Variants in ZNF423 observed in about 807,000 individuals in gnomAD.
ZNF423 encodes zinc finger protein 423.
A neutral mutation model predicts 95.8 loss-of-function variants in ZNF423; 12 were observed. The ratio of observed to expected loss-of-function variants is 0.13; its 90% CI spans 0.08 to 0.20. The LOEUF (loss-of-function observed/expected upper bound fraction) is 0.20, where lower values mean the gene tolerates loss of function less well. Among genes scored for constraint, ZNF423 ranks in the 10% least tolerant of loss-of-function variants. The pLI, the probability that ZNF423 is intolerant of heterozygous loss-of-function variation, is 1.00. For synonymous variants in ZNF423, 749 were observed against 711.9 expected (o/e 1.05, Z -0.83); for missense variants, 1,316 against 1,737.1 (o/e 0.76, Z 4.31).
In ZNF423 at chr16:49,730,818, T is replaced by A. The variant is rs1567316204; in HGVS notation, c.254A>T (p.Glu85Val). The change falls in exon 3 of 8, where the codon GAG becomes GTG. Residue 85 changes from glutamate to valine, a missense_variant. Physicochemically the swap from Glu to Val is moderately radical, Grantham distance 121 (BLOSUM62 -2). Around this residue, in one of 6 missense-constraint regions of ZNF423, gnomAD observed 155 missense variants for 170.8 expected, o/e 0.91. Coordinates refer to ENST00000563137, the MANE Select transcript of ZNF423 (RefSeq NM_001379286.1). ...YTCDHCQQDF[E>V]SLADLTDHRA... ...GTGGTCCGTCAGGTCTGCCAGAGAC[T>A]CGAAGTCCTGCTGACAGTGATCGCA... is the stretch of plus-strand genomic sequence containing the variant. 2 of 1,614,100 alleles carry A rather than the reference T, an allele frequency of 1.2e-6. No homozygotes were observed. The highest frequency in any genetic ancestry group is 1.7e-6 in the Non-Finnish European group (2 of 1,180,048).
At chr16:49,804,229 C>T (rs1282790642) in intron 1 of ZNF423, among the ~76,000 whole-genome samples, 1 of 152,068 alleles carries the variant, frequency 6.6e-6, no homozygotes, top group East Asian at 1.9e-4. Context: ...GGCACTGCGC[C>T]CCGCCTTCAG....
In ZNF423 at chr16:49,491,195, T is replaced by C; in HGVS notation, c.*80A>G. 2 of 1,559,586 alleles carry C rather than the reference T, an allele frequency of 1.3e-6. No individual in the cohort carries two copies. The highest frequency in any genetic ancestry group is 1.8e-6 in the Non-Finnish European group (2 of 1,131,252). ...ATCTGGGTTGCAAATGACACTTTGA[T>C]TGGATGTAATGTTCAAATGGCCCTC... On this transcript the variant is annotated 3_prime_UTR_variant, in exon 8 of 8. Transcript: ENST00000563137.
intron 2 of ZNF423, among the ~76,000 whole-genome samples, chr16:49,787,958 G>A (rs146401051): frequency 2.0e-5 from 3 of 152,320 alleles, no homozygotes; most frequent in Non-Finnish European, 4.4e-5. Flanking sequence ...GAGACACGGC[G>A]CCTTATGGCC....
intron 7 of ZNF423, among the ~76,000 whole-genome samples, chr16:49,507,940 G>A (rs1298367618): frequency 6.6e-6 from 1 of 152,140 alleles, no homozygotes; most frequent in Non-Finnish European, 1.5e-5. Context: ...CAGAAATGTC[G>A]GCCAGGGGCT....
At chr16:49,580,371 G>T (rs1473353419) in intron 5 of ZNF423, among the ~76,000 whole-genome samples, 1 of 152,136 alleles carries the variant, frequency 6.6e-6, no homozygotes, top group Non-Finnish European at 1.5e-5. Context: ...TTGTAATTAT[G>T]TATTTACTTG....
intron 3 of ZNF423, among the ~76,000 whole-genome samples, chr16:49,679,697 T>C (rs902433362): frequency 6.6e-6 from 1 of 152,120 alleles, no homozygotes; most frequent in Non-Finnish European, 1.5e-5. Flanking sequence ...GATGATATGA[T>C]TGATGGTGGC....
At chr16:49,646,601 C>T (rs1439818076) in intron 3 of ZNF423, among the ~76,000 whole-genome samples, 12 of 103,098 alleles carry the variant, frequency 1.2e-4, no homozygotes, top group East Asian at 2.8e-4. Context: ...GAAGGAGTCT[C>T]GCTCTGTCAC....
intron 5 of ZNF423, among the ~76,000 whole-genome samples, chr16:49,572,618 A>G (rs936796365): frequency 6.6e-6 from 1 of 152,202 alleles, no homozygotes; most frequent in Non-Finnish European, 1.5e-5. Context: ...TGGCATGATC[A>G]AGTGTGGTAC....
At chr16:49,560,156 G>A (rs752968763) in intron 5 of ZNF423, among the ~76,000 whole-genome samples, 1 of 152,180 alleles carries the variant, frequency 6.6e-6, no homozygotes, top group Non-Finnish European at 1.5e-5. Context: ...GGTGACAACT[G>A]CCATCATCAC....
intron 3 of ZNF423, among the ~76,000 whole-genome samples, chr16:49,703,021 T>C (rs989794056): frequency 6.6e-6 from 1 of 152,170 alleles, no homozygotes; most frequent in African/African-American, 2.4e-5. Flanking sequence ...TGTAATTTGA[T>C]AAATGTGTAC....
At chr16:49,609,157 A>G (rs1971635677) in intron 5 of ZNF423, among the ~76,000 whole-genome samples, 1 of 152,144 alleles carries the variant, frequency 6.6e-6, no homozygotes, top group Non-Finnish European at 1.5e-5. Context: ...GTGGAGACCT[A>G]GGGAGGAAAC....
chr16:49,746,787 C>T (rs2033533957), intron 2 of ZNF423, among the ~76,000 whole-genome samples: 1 of 152,196 alleles, frequency 6.6e-6, no homozygotes, highest in African/African-American at 2.4e-5. Context: ...TGGGCGCTTT[C>T]TAAGACAGCT....
chr16:49,710,460 A>T (rs1024594218), intron 3 of ZNF423, among the ~76,000 whole-genome samples: 2 of 152,234 alleles, frequency 1.3e-5, no homozygotes, highest in East Asian at 1.9e-4. Flanking sequence ...ATAAGGACCT[A>T]AACGCCTAAG....
At chr16:49,803,506 TAC>T (rs2034612484) in intron 1 of ZNF423, among the ~76,000 whole-genome samples, 1 of 152,080 alleles carries the variant, frequency 6.6e-6, no homozygotes, top group Non-Finnish European at 1.5e-5. Context: ...GCTTTTGGGA[TAC>T]ACTACCAGGA....
At chr16:49,644,708 AC>A (rs1489412093) in intron 3 of ZNF423, among the ~76,000 whole-genome samples, 2 of 146,626 alleles carry the variant, frequency 1.4e-5, no homozygotes, top group Admixed American at 1.4e-4. Flanking sequence ...CCGTGAGCCT[AC>A]AGAGGGAACA....
chr16:49,534,437 G>C (rs1167819551), intron 5 of ZNF423, among the ~76,000 whole-genome samples: 1 of 152,124 alleles, frequency 6.6e-6, no homozygotes, highest in East Asian at 1.9e-4. Flanking sequence ...ATTTTTAGTA[G>C]AGATGGGGTT....
chr16:49,768,777 G>A, intron 2 of ZNF423, among the ~76,000 whole-genome samples: 1 of 151,784 alleles, frequency 6.6e-6, no homozygotes, highest in Non-Finnish European at 1.5e-5. Flanking sequence ...CACACTCATG[G>A]CACCCAAAAC....
chr16:49,538,377 A>G (rs1469437788), intron 5 of ZNF423, among the ~76,000 whole-genome samples: 1 of 152,170 alleles, frequency 6.6e-6, no homozygotes, highest in African/African-American at 2.4e-5. Flanking sequence ...AGACATCTTC[A>G]TAGACACCTT....
At chr16:49,493,115 C>T (rs1439440598) in intron 7 of ZNF423, among the ~76,000 whole-genome samples, 1 of 152,120 alleles carries the variant, frequency 6.6e-6, no homozygotes, top group African/African-American at 2.4e-5. Context: ...CACCCTCCAG[C>T]CGTGGCACCT....
Sources: allele counts gnomAD v4.1 joint callset (sites outside exome capture counted in the v4.1 genomes callset), GRCh38; gene constraint gnomAD v4.1.1; regional missense constraint gnomAD v4.1.1; transcripts MANE v1.5; gene names NCBI Gene and HGNC (gene_info 2026-07-23, HGNC 2026-07-21).